The following HECW1 variants were observed in gnomAD, a reference collection of about 807,000 sequenced individuals.
HECW1 encodes E3 ubiquitin-protein ligase HECW1.
Under a neutral mutation model 182.3 loss-of-function variants are expected in HECW1, and 61 were observed. That is an observed-to-expected ratio of 0.33 (90% CI 0.27 to 0.41). The LOEUF (loss-of-function observed/expected upper bound fraction) is 0.41, where lower values mean the gene tolerates loss of function less well. HECW1 is among the 10% of genes least tolerant of loss of function. The probability of loss-of-function intolerance (pLI) is 1.00; values close to 1 mark genes in which losing one functional copy is unlikely to be tolerated. For synonymous variants in HECW1, 859 were observed against 832.6 expected (o/e 1.03, Z -0.55); for missense variants, 1,739 against 2,108.9 (o/e 0.82, Z 3.44).
At chr7:43,223,614 C>T (rs995293894) in intron 2 of HECW1, among the ~76,000 whole-genome samples, 8 of 150,926 alleles carry the variant, frequency 5.3e-5, no homozygotes, top group Middle Eastern at 3.4e-3. Context: ...AGCAAAACTC[C>T]GTCTCAAAAA....
chr7:43,190,430 C>T (rs570520393), intron 2 of HECW1, among the ~76,000 whole-genome samples: 2 of 152,202 alleles, frequency 1.3e-5, no homozygotes, highest in East Asian at 3.9e-4. Context: ...GTTTTATAGT[C>T]ACAGTAGGGA....
chr7:43,375,718 C>A (rs997221106), intron 6 of HECW1, among the ~76,000 whole-genome samples: 1 of 151,710 alleles, frequency 6.6e-6, no homozygotes, highest in Non-Finnish European at 1.5e-5. Context: ...CATGGCAAAA[C>A]CCTGTCTCTA....
chr7:43,239,663 C>T (rs1010730682), intron 2 of HECW1, among the ~76,000 whole-genome samples: 1 of 152,252 alleles, frequency 6.6e-6, no homozygotes, highest in Non-Finnish European at 1.5e-5. Flanking sequence ...TTGACAGTCA[C>T]AATGATAGTC....
chr7:43,146,043 G>A lies in HECW1; in HGVS notation c.-32+31652G>A, dbSNP rs530366641. Among the ~76,000 whole-genome samples, 259 of 152,282 alleles carry A rather than the reference G, an allele frequency of 1.7e-3. 1 individual carries two copies. Among genetic ancestry groups the A allele is most frequent in the African/African-American group, 5.9e-3 (244 of 41,540 alleles). ...GATGTGATTCTCTCCACTACCCCGTGTCTCCTCTTTGGTTTGGCTGATAGG... is the reference window on the plus strand; with the variant it reads ...GATGTGATTCTCTCCACTACCCCGTATCTCCTCTTTGGTTTGGCTGATAGG... On this transcript the variant is annotated intron_variant, in intron 2 of 29. Coordinates refer to ENST00000395891, the MANE Select transcript of HECW1 (RefSeq NM_015052.5).
intron 7 of HECW1, among the ~76,000 whole-genome samples, chr7:43,401,566 G>T (rs1458772733): frequency 1.4e-5 from 1 of 70,656 alleles, no homozygotes; most frequent in Non-Finnish European, 2.9e-5. Flanking sequence ...CATTTAAAAA[G>T]GTTTTTTTTT....
At chr7:43,559,221 C>T (rs1368895862) in intron 29 of HECW1, among the ~76,000 whole-genome samples, 1 of 152,140 alleles carries the variant, frequency 6.6e-6, no homozygotes, top group East Asian at 1.9e-4. Flanking sequence ...CAGGGATTGG[C>T]ACAACCCAAT....
At chr7:43,326,423 C>T (rs141548168) in intron 5 of HECW1, among the ~76,000 whole-genome samples, 2,616 of 152,304 alleles carry the variant, frequency 0.017, 77 homozygotes, top group African/African-American at 0.059. Flanking sequence ...CTCAACCCCA[C>T]GCCCAGGGAG....
intron 6 of HECW1, among the ~76,000 whole-genome samples, chr7:43,363,903 T>G (rs1816283449): frequency 6.6e-6 from 1 of 152,168 alleles, no homozygotes; most frequent in Non-Finnish European, 1.5e-5. Flanking sequence ...CCAGCTCAGT[T>G]TGGGTATAAT....
chr7:43,472,827 A>T (rs77607428), intron 16 of HECW1, among the ~76,000 whole-genome samples: 3,543 of 152,334 alleles, frequency 0.023, 146 homozygotes, highest in African/African-American at 0.08. Context: ...GACAAGCTTC[A>T]AATTTCCCAT....
chr7:43,350,308 TC>T (rs1432973479), intron 5 of HECW1, among the ~76,000 whole-genome samples: 3 of 152,190 alleles, frequency 2.0e-5, no homozygotes, highest in Non-Finnish European at 4.4e-5. Flanking sequence ...CTTTCCTTCA[TC>T]TTAACTTTAG....
intron 8 of HECW1, among the ~76,000 whole-genome samples, chr7:43,433,915 C>T (rs551713627): frequency 6.8e-4 from 104 of 152,278 alleles, no homozygotes; most frequent in African/African-American, 2.4e-3. Context: ...AGACATCAGA[C>T]CCCCAAGGAT....
At chr7:43,303,560 C>T (rs1243273395) in intron 3 of HECW1, among the ~76,000 whole-genome samples, 11 of 152,052 alleles carry the variant, frequency 7.2e-5, no homozygotes, top group Admixed American at 6.5e-4. Context: ...AAAATTTTCT[C>T]CCCCTAATGT....
intron 21 of HECW1, among the ~76,000 whole-genome samples, chr7:43,504,127 T>C (rs183579023): frequency 4.0e-4 from 61 of 152,314 alleles, no homozygotes; most frequent in African/African-American, 1.4e-3. Context: ...CCCTGCCTTG[T>C]AGTCTTCCTC....
rs73326143 is a variant in HECW1, at chr7:43,361,618, A to G, written c.555+638A>G. The stretch of plus-strand genomic sequence containing the variant: ...GCTCAGGCCTGTGGTAATAGATGCC[A>G]TCTTCCTAAGTTACAATCCAGTTTT... On this transcript the variant is annotated intron_variant, in intron 6 of 29. Transcript: ENST00000395891. 5.0e-3 allele frequency among the ~76,000 whole-genome samples: 760 copies of G among 152,222 alleles called. 5 individuals are homozygous for G. The highest frequency in any genetic ancestry group is 0.017 in the African/African-American group (723 of 41,540).
intron 3 of HECW1, among the ~76,000 whole-genome samples, chr7:43,306,633 T>A (rs1309662402): frequency 6.6e-6 from 1 of 152,220 alleles, no homozygotes; most frequent in African/African-American, 2.4e-5. Flanking sequence ...TTTTTAAGAG[T>A]CATTTTCTCT....
chr7:43,179,830 A>C (rs564519298), intron 2 of HECW1, among the ~76,000 whole-genome samples: 1 of 152,300 alleles, frequency 6.6e-6, no homozygotes, highest in Admixed American at 6.5e-5. Context: ...TCATTTTTGA[A>C]AACATGATTG....
intron 2 of HECW1, among the ~76,000 whole-genome samples, chr7:43,219,154 T>C (rs1408617152): frequency 6.6e-6 from 1 of 152,036 alleles, no homozygotes; most frequent in Non-Finnish European, 1.5e-5. Context: ...TGTGGGGATA[T>C]GTGGGAGTGG....
At chr7:43,164,349 T>TA (rs1279610751) in intron 2 of HECW1, among the ~76,000 whole-genome samples, 1 of 152,184 alleles carries the variant, frequency 6.6e-6, no homozygotes, top group Non-Finnish European at 1.5e-5. Flanking sequence ...GCATGACCAA[T>TA]AAAATGTTAG....
chr7:43,474,299 A>C (rs1031271142), intron 16 of HECW1, among the ~76,000 whole-genome samples: 2 of 152,028 alleles, frequency 1.3e-5, no homozygotes, highest in African/African-American at 4.8e-5. Flanking sequence ...AATACAAAAA[A>C]TTAGCTGGGC....
Sources: allele counts gnomAD v4.1 joint callset (sites outside exome capture counted in the v4.1 genomes callset), GRCh38; gene constraint gnomAD v4.1.1; transcripts MANE v1.5; gene names NCBI Gene and HGNC (gene_info 2026-07-23, HGNC 2026-07-21).